The following ZNF674 variants were observed in gnomAD, a reference collection of about 807,000 sequenced individuals.
ZNF674 encodes the protein zinc finger protein 674.
In ZNF674, 2 loss-of-function variants were observed where a neutral mutation model predicts 7.0. That is an observed-to-expected ratio of 0.29 (90% CI 0.12 to 0.90). The LOEUF (loss-of-function observed/expected upper bound fraction) is 0.90. Ranked by LOEUF, ZNF674 falls within the 40% of genes least tolerant of loss-of-function variation. The probability of loss-of-function intolerance (pLI) is 0.57; values close to 1 mark genes in which losing one functional copy is unlikely to be tolerated. For missense variants in ZNF674, 297 were observed against 415.5 expected, an observed-to-expected ratio of 0.71 and a Z score of 2.48; for synonymous variants, 103 against 145.2, an observed-to-expected ratio of 0.71 and a Z score of 2.09.
chrX:46,531,314 T>C (rs1281475002), intron 3 of ZNF674, among the ~76,000 whole-genome samples: 2 of 111,905 alleles, frequency 1.8e-5, no homozygotes, highest in African/African-American at 3.3e-5. Flanking sequence ...GTTAGTTCTG[T>C]GACTCACTCT....
Position 46,500,739 on chromosome X carries a change from C to G in ZNF674, c.835G>C (p.Glu279Gln), listed in dbSNP as rs1941407522. 2.5e-6 allele frequency: 3 copies of G among 1,207,728 alleles called. No individual in the cohort carries two copies. The highest frequency in any genetic ancestry group is 3.4e-6 in the Non-Finnish European group (3 of 893,407). Residue 279 changes from glutamate (E) to glutamine (Q), a missense_variant, in exon 6 of 6, where the codon GAA (glutamate) becomes CAA (glutamine). Coordinates refer to ENST00000683375, the MANE Select transcript of ZNF674 (RefSeq NM_001190417.2). Reference protein sequence around the residue: ...HTGEKPYECSECGKTFIQKST... With the variant: ...HTGEKPYECSQCGKTFIQKST... ...TTCTGGATAAAGGTTTTTCCACATT[C>G]ACTGCATTCATAGGGCTTCTCCCCT...
intron 5 of ZNF674, among the ~76,000 whole-genome samples, chrX:46,516,916 G>C (rs1941776014): frequency 9.1e-6 from 1 of 109,953 alleles, no homozygotes; most frequent in African/African-American, 3.3e-5. Context: ...AGAATTGCTT[G>C]AACCTGGGAG....
At chrX:46,526,160 A>C (rs1012748835) in intron 5 of ZNF674, among the ~76,000 whole-genome samples, 2 of 112,262 alleles carry the variant, frequency 1.8e-5, no homozygotes, top group Non-Finnish European at 3.8e-5. Context: ...AGAATAGGCA[A>C]AACATTAGGA....
intron 3 of ZNF674, 78 bp from the exon 4 acceptor site, chrX:46,528,987 G>A (rs1942059695): frequency 1.7e-6 from 2 of 1,206,505 alleles, no homozygotes; most frequent in Non-Finnish European, 1.1e-6. Flanking sequence ...CACACGGAGG[G>A]CTTACTCTGT....
At chrX:46,519,346 G>T (rs1370051449) in intron 5 of ZNF674, among the ~76,000 whole-genome samples, 1 of 109,031 alleles carries the variant, frequency 9.2e-6, no homozygotes, top group Non-Finnish European at 1.9e-5. Flanking sequence ...GGTGGCTCAT[G>T]CCTGGAATCC....
In ZNF674 at chrX:46,501,342, G is replaced by T; in HGVS notation, c.239-7C>A. ...TCGTCAACTTCCCAGACTTCTAGAA[G>T]AAAATGCAATGAATCATCAAACTTG... On this transcript the variant is annotated splice_region_variant and splice_polypyrimidine_tract_variant and intron_variant, in intron 5 of 5. Transcript: ENST00000683375. 1 of 1,196,886 alleles carries T rather than the reference G, an allele frequency of 8.4e-7. No homozygotes were observed. The highest frequency in any genetic ancestry group is 1.1e-6 in the Non-Finnish European group (1 of 887,918).
rs1234240012 is a variant in ZNF674 at position 46,500,023 on chromosome X, T to C, written c.1551A>G (p.Glu517=). ...LIKHQRIHTG[E]KPYKCSECGK... The stretch of plus-strand genomic sequence containing the variant: ...CACATTCACTACATTTGTAAGGTTT[T>C]TCTCCTGTATGAATTCTCTGATGTT... The change falls in exon 6 of 6, where the codon GAA becomes GAG. Residue 517 remains glutamate (E), a synonymous_variant. Coordinates refer to ENST00000683375, the MANE Select transcript of ZNF674 (RefSeq NM_001190417.2). The C allele has an allele frequency of 1.7e-6, 2 of 1,210,072 alleles. No homozygotes were observed. Among genetic ancestry groups the C allele is most frequent in the East Asian group, 3.0e-5 (1 of 33,765 alleles).
chrX:46,525,169 C>T (rs754458577), intron 5 of ZNF674, among the ~76,000 whole-genome samples: 61 of 110,812 alleles, frequency 5.5e-4, no homozygotes, highest in Non-Finnish European at 1.0e-3. Context: ...GTCAGCCCAC[C>T]AATGGAAAAC....
intron 5 of ZNF674, among the ~76,000 whole-genome samples, chrX:46,502,558 T>C (rs1941455336): frequency 9.0e-6 from 1 of 111,537 alleles, no homozygotes; most frequent in African/African-American, 3.3e-5. Flanking sequence ...AAAAAAACTC[T>C]AAATAGGTTG....
intron 5 of ZNF674, among the ~76,000 whole-genome samples, chrX:46,505,606 A>C (rs1958933262): frequency 9.0e-6 from 1 of 111,366 alleles, no homozygotes; most frequent in South Asian, 3.8e-4. Context: ...CCCTGTCTCT[A>C]CTAAAAATAC....
At chrX:46,545,152 C>A (rs1212541682) in intron 1 of ZNF674, among the ~76,000 whole-genome samples, 1 of 110,842 alleles carries the variant, frequency 9.0e-6, no homozygotes, top group East Asian at 2.8e-4. Flanking sequence ...CTGGCAGTTA[C>A]CACCGGGTGA....
At position 46,498,987 on chromosome X, in the gene ZNF674, T is replaced by C. The variant is rs1020454996; in HGVS notation, c.*856A>G. 1.8e-5 allele frequency: 2 copies of C among 111,712 alleles called. No individual in the cohort carries two copies. The highest frequency in any genetic ancestry group is 6.5e-5 in the African/African-American group (2 of 30,723). The allele number at this position is 111,712 out of a possible 1,213,427, so 9.2% of individuals were successfully genotyped here. A position where few individuals can be genotyped will look rare whatever the true frequency, so the allele number is the denominator to read the frequency against. ...CCTCTACACCTCTTCCACAAAATGTTTGGTAAAGAACATGGTAAGTGTGGT... is the reference window on the plus strand; with the variant it reads ...CCTCTACACCTCTTCCACAAAATGTCTGGTAAAGAACATGGTAAGTGTGGT... On this transcript the variant is annotated 3_prime_UTR_variant, in exon 6 of 6. Coordinates refer to ENST00000683375, the MANE Select transcript of ZNF674 (RefSeq NM_001190417.2).
intron 5 of ZNF674, among the ~76,000 whole-genome samples, chrX:46,519,613 A>C (rs1941869678): frequency 9.1e-6 from 1 of 110,070 alleles, no homozygotes; most frequent in Non-Finnish European, 1.9e-5. Context: ...CTCTCAAAAA[A>C]AAAAAAAATA....
intron 5 of ZNF674, among the ~76,000 whole-genome samples, chrX:46,511,699 C>A (rs868478493): frequency 3.7e-4 from 42 of 112,142 alleles, no homozygotes; most frequent in African/African-American, 1.3e-3. Flanking sequence ...GGACTAAAGC[C>A]TATTAGCTCT....
At chrX:46,514,754 T>C (rs1345832579) in intron 5 of ZNF674, among the ~76,000 whole-genome samples, 1 of 111,745 alleles carries the variant, frequency 8.9e-6, no homozygotes, top group Non-Finnish European at 1.9e-5. Flanking sequence ...CCTCACCCAC[T>C]ACACTCAAGG....
At chrX:46,533,404 C>T (rs1942142564) in intron 3 of ZNF674, among the ~76,000 whole-genome samples, 1 of 111,083 alleles carries the variant, frequency 9.0e-6, no homozygotes, top group Admixed American at 9.7e-5. Context: ...ATTGCAATGC[C>T]GTGGTCTCAG....
chrX:46,501,175 A>G lies in ZNF674; in HGVS notation c.399T>C (p.Ser133=), dbSNP rs979913349. The G allele has an allele frequency of 1.1e-5, 13 of 1,209,043 alleles. No homozygotes were observed. Among genetic ancestry groups the G allele is most frequent in the Non-Finnish European group, 1.5e-5 (13 of 893,902 alleles). The part of the protein sequence containing the change: ...KIIYLNTDFV[S]VKQRLPKYYS... ...AATATTTAGGGAGTCTTTGTTTTAC[A>G]GAAACAAAGTCTGTGTTGAGATAAA... The change falls in exon 6 of 6, where the codon TCT becomes TCC. Residue 133 remains serine (S), a synonymous_variant. Transcript: ENST00000683375.
rs1258590479 is a variant in ZNF674 at position 46,498,250 on chromosome X, G to T, written c.*1593C>A. ...TTTCACTACTTTAAATAATACTGCT[G>T]TTATGGAAGATACTCTGAAAATTTT... On this transcript the variant is annotated 3_prime_UTR_variant, in exon 6 of 6. Coordinates refer to ENST00000683375, the MANE Select transcript of ZNF674 (RefSeq NM_001190417.2). The T allele has an allele frequency of 9.0e-6, 1 of 111,324 alleles. No individual in the cohort carries two copies. Among genetic ancestry groups the T allele is most frequent in the African/African-American group, 3.3e-5 (1 of 30,687 alleles). The allele number at this position is 111,324 out of a possible 1,213,427, so 9.2% of individuals were successfully genotyped here. A position where few individuals can be genotyped will look rare whatever the true frequency, so the allele number is the denominator to read the frequency against.
At chrX:46,524,015 CT>C (rs1414580862) in intron 5 of ZNF674, among the ~76,000 whole-genome samples, 2 of 107,756 alleles carry the variant, frequency 1.9e-5, no homozygotes, top group African/African-American at 6.8e-5. Flanking sequence ...GCACTCCAGC[CT>C]GGGCGACAAG....
Sources: allele counts gnomAD v4.1 joint callset (sites outside exome capture counted in the v4.1 genomes callset), GRCh38; gene constraint gnomAD v4.1.1; transcripts MANE v1.5; gene names NCBI Gene and HGNC (gene_info 2026-07-23, HGNC 2026-07-21).